RGS7: variants seen among roughly 807,000 people sequenced by gnomAD.
RGS7 encodes the protein regulator of G-protein signaling 7.
RGS7 carries 27 observed loss-of-function variants against 81.1 expected under a neutral mutation model. The observed-to-expected ratio is 0.33, with a 90% CI of 0.25 to 0.46. The LOEUF (loss-of-function observed/expected upper bound fraction) is 0.46. RGS7 is among the 20% of genes least tolerant of loss of function. The pLI is 1.00. For missense variants in RGS7, 396 were observed against 607.4 expected (o/e 0.65, Z 3.66); for synonymous variants, 208 against 207.7 (o/e 1.00, Z -0.01).
intron 14 of RGS7, among the ~76,000 whole-genome samples, chr1:240,809,855 T>G (rs930606275): frequency 4.6e-5 from 7 of 152,138 alleles, no homozygotes; most frequent in African/African-American, 1.4e-4. Flanking sequence ...AAGAAATATA[T>G]GTATATGTGT....
intron 3 of RGS7, among the ~76,000 whole-genome samples, chr1:241,087,349 C>A (rs2063506811): frequency 6.6e-6 from 1 of 152,142 alleles, no homozygotes; most frequent in Admixed American, 6.6e-5. Flanking sequence ...AACAAAAGGT[C>A]TTTTTAAAAA....
chr1:241,047,731 TC>T (rs1410329974), intron 3 of RGS7, among the ~76,000 whole-genome samples: 1 of 141,432 alleles, frequency 7.1e-6, no homozygotes, highest in Non-Finnish European at 1.5e-5. Flanking sequence ...TTGTTTACAA[TC>T]CTTTTTTTTT....
intron 2 of RGS7, among the ~76,000 whole-genome samples, chr1:241,211,050 C>T (rs1049027337): frequency 1.1e-4 from 16 of 151,958 alleles, no homozygotes; most frequent in African/African-American, 2.2e-4. Context: ...TTTGGGAGGA[C>T]GAGAAGGATG....
intron 4 of RGS7, among the ~76,000 whole-genome samples, chr1:240,973,630 C>T (rs1469094257): frequency 1.3e-5 from 2 of 152,056 alleles, no homozygotes; most frequent in Non-Finnish European, 2.9e-5. Context: ...CGCTCTGTTG[C>T]CCAGGCTGGA....
intron 6 of RGS7, among the ~76,000 whole-genome samples, chr1:240,910,302 G>A (rs1280700347): frequency 6.6e-6 from 1 of 152,102 alleles, no homozygotes; most frequent in Non-Finnish European, 1.5e-5. Flanking sequence ...CCTTGAAACC[G>A]GAAGACATTA....
intron 3 of RGS7, among the ~76,000 whole-genome samples, chr1:241,004,203 G>T (rs1462677238): frequency 1.3e-5 from 2 of 152,160 alleles, no homozygotes; most frequent in African/African-American, 4.8e-5. Context: ...AAATCCTGAA[G>T]AATTTACAAA....
chr1:241,220,138 T>C (rs2074808277), intron 2 of RGS7, among the ~76,000 whole-genome samples: 1 of 152,216 alleles, frequency 6.6e-6, no homozygotes, highest in African/African-American at 2.4e-5. Context: ...TGTTGCTTAC[T>C]TGAAAAGACC....
chr1:241,070,593 G>A (rs2062379097), intron 3 of RGS7, among the ~76,000 whole-genome samples: 1 of 152,204 alleles, frequency 6.6e-6, no homozygotes. Context: ...GATTAGAGCT[G>A]GGTGGAGCTA....
intron 2 of RGS7, among the ~76,000 whole-genome samples, chr1:241,190,116 A>G (rs1355686731): frequency 6.6e-6 from 1 of 151,854 alleles, no homozygotes; most frequent in Admixed American, 6.6e-5. Context: ...AAAAAAATCA[A>G]CTGGTCCTAT....
intron 2 of RGS7, among the ~76,000 whole-genome samples, chr1:241,275,084 C>T (rs2078122657): frequency 6.6e-6 from 1 of 152,204 alleles, no homozygotes; most frequent in South Asian, 2.1e-4. Flanking sequence ...TCAAATACCA[C>T]AAGCAAGCCA....
intron 2 of RGS7, among the ~76,000 whole-genome samples, chr1:241,319,927 C>T (rs1293826722): frequency 6.6e-6 from 1 of 151,856 alleles, no homozygotes; most frequent in Non-Finnish European, 1.5e-5. Flanking sequence ...CCCGTCTCTA[C>T]TAAAAATGCA....
At chr1:240,947,294 C>T (rs536302987) in intron 4 of RGS7, among the ~76,000 whole-genome samples, 1 of 152,278 alleles carries the variant, frequency 6.6e-6, no homozygotes, top group African/African-American at 2.4e-5. Flanking sequence ...TCTTAGAACA[C>T]GTATCTTCAG....
At chr1:240,899,786 G>A (rs1392707391) in intron 6 of RGS7, among the ~76,000 whole-genome samples, 2 of 152,258 alleles carry the variant, frequency 1.3e-5, no homozygotes, top group Non-Finnish European at 2.9e-5. Flanking sequence ...TTCTCGAGGT[G>A]TATCTTTGTG....
chr1:241,068,238 G>GTGTATATATATATATATATATATATATA, intron 3 of RGS7, among the ~76,000 whole-genome samples: 3 of 35,656 alleles, frequency 8.4e-5, no homozygotes, highest in African/African-American at 2.9e-4. Context: ...GTGTGTGTGT[G>GTGTATATATATATATATATATATATATA]TATATATATA....
intron 2 of RGS7, among the ~76,000 whole-genome samples, chr1:241,102,205 AAAC>A (rs1389846973): frequency 2.0e-5 from 3 of 152,178 alleles, no homozygotes; most frequent in African/African-American, 7.2e-5. Flanking sequence ...AAACAAAAGA[AAAC>A]AACAACAACA....
chr1:241,010,616 A>G (rs1356646922), intron 3 of RGS7, among the ~76,000 whole-genome samples: 1 of 152,230 alleles, frequency 6.6e-6, no homozygotes, highest in Non-Finnish European at 1.5e-5. Flanking sequence ...AAATTAAATT[A>G]AAGTCCATAG....
chr1:240,794,309 G>C (rs941538302), intron 18 of RGS7, among the ~76,000 whole-genome samples: 4 of 152,268 alleles, frequency 2.6e-5, no homozygotes, highest in African/African-American at 9.6e-5. Flanking sequence ...GGACAGCCAA[G>C]CTGTCTTTTT....
chr1:241,221,040 A>AGG (rs770051776), intron 2 of RGS7, among the ~76,000 whole-genome samples: 12,161 of 82,492 alleles, frequency 0.15, 1,261 homozygotes, highest in East Asian at 0.59. Context: ...GAAGGAAGGA[A>AGG]AAGAAAGAAA....
At chr1:241,231,597 G>A (rs969849528) in intron 2 of RGS7, among the ~76,000 whole-genome samples, 3 of 151,978 alleles carry the variant, frequency 2.0e-5, no homozygotes, top group African/African-American at 7.2e-5. Flanking sequence ...GACCTCAAGC[G>A]ATCCACCCAC....
Sources: allele counts gnomAD v4.1 joint callset (sites outside exome capture counted in the v4.1 genomes callset), GRCh38; gene constraint gnomAD v4.1.1; transcripts MANE v1.5; gene names NCBI Gene and HGNC (gene_info 2026-07-23, HGNC 2026-07-21).